The following KLRG1 variants were observed in gnomAD, a reference collection of about 807,000 sequenced individuals.
KLRG1 encodes the protein killer cell lectin-like receptor subfamily G member 1.
In KLRG1, 16 loss-of-function variants were observed where a neutral mutation model predicts 21.8. That is an observed-to-expected ratio of 0.73 (90% CI 0.50 to 1.11). The LOEUF is 1.11. KLRG1 is among the 50% of genes most tolerant of loss of function. The pLI, the probability that KLRG1 is intolerant of heterozygous loss-of-function variation, is 0.00. For missense variants in KLRG1, 173 were observed against 218.3 expected (o/e 0.79, Z 1.31); for synonymous variants, 69 against 75.9 (o/e 0.91, Z 0.47).
chr12:9,181,262 T>G, the KLRG1 span: 1 of 1,154,382 alleles, frequency 8.7e-7, no homozygotes, highest in Non-Finnish European at 1.2e-6. Flanking sequence ...CAGAAACCTA[T>G]TTTTACAACT....
At chr12:9,195,611 AT>A in the KLRG1 span, among the ~76,000 whole-genome samples, 891 of 104,218 alleles carry the variant, frequency 8.5e-3, 3 homozygotes, top group African/African-American at 0.029. Context: ...CCCACTGCTA[AT>A]TTTTTTTTTT....
At chr12:9,018,891 C>G in the KLRG1 span, among the ~76,000 whole-genome samples, 1 of 151,958 alleles carries the variant, frequency 6.6e-6, no homozygotes, top group Non-Finnish European at 1.5e-5. Context: ...TGAGTAATAC[C>G]CCACAAGCAC....
At chr12:9,149,102 G>A in the KLRG1 span, 1 of 946,564 alleles carries the variant, frequency 1.1e-6, no homozygotes, top group South Asian at 1.4e-5. Context: ...CTTTGTGAAA[G>A]GCCAGATGGT....
the KLRG1 span, among the ~76,000 whole-genome samples, chr12:9,057,399 T>G: frequency 6.6e-6 from 1 of 152,144 alleles, no homozygotes; most frequent in Admixed American, 6.5e-5. Flanking sequence ...GGGAAATCAC[T>G]TAATGGGTAC....
chr12:8,966,759 T>C (rs1278038225), intron 1 of KLRG1, among the ~76,000 whole-genome samples: 13 of 139,580 alleles, frequency 9.3e-5, no homozygotes, highest in Admixed American at 3.6e-4. Context: ...AGTTCAACCA[T>C]TGTGGAAGTC....
At chr12:8,999,889 G>C (rs1436497281) in intron 3 of KLRG1, among the ~76,000 whole-genome samples, 1 of 152,090 alleles carries the variant, frequency 6.6e-6, no homozygotes, top group Non-Finnish European at 1.5e-5. Flanking sequence ...ACAAAAATTA[G>C]CTGGGTGTGG....
At chr12:9,174,862 G>T in the KLRG1 span, among the ~76,000 whole-genome samples, 5 of 152,122 alleles carry the variant, frequency 3.3e-5, no homozygotes, top group Admixed American at 3.3e-4. Context: ...AGAAGAATCA[G>T]TGTAATGACA....
At chr12:9,071,765 T>C in the KLRG1 span, among the ~76,000 whole-genome samples, 1 of 152,202 alleles carries the variant, frequency 6.6e-6, no homozygotes, top group Non-Finnish European at 1.5e-5. Flanking sequence ...CCTGCAAAGG[T>C]CATGATCTCA....
chr12:9,182,181 G>T, the KLRG1 span: 1 of 211,988 alleles, frequency 4.7e-6, no homozygotes, highest in Non-Finnish European at 7.6e-6. Flanking sequence ...TAAAAATAGT[G>T]TCATAAGGAC....
chr12:9,111,075 T>C, the KLRG1 span, among the ~76,000 whole-genome samples: 1 of 152,290 alleles, frequency 6.6e-6, no homozygotes, highest in East Asian at 1.9e-4. Context: ...TGAGGAGGAA[T>C]GGACATATTT....
intron 1 of KLRG1, among the ~76,000 whole-genome samples, chr12:8,990,696 C>T (rs1370113778): frequency 1.3e-5 from 2 of 152,076 alleles, no homozygotes; most frequent in African/African-American, 4.8e-5. Flanking sequence ...GTCACACACA[C>T]AACTGGTGAT....
At chr12:9,076,873 C>A in the KLRG1 span, 1 of 1,613,266 alleles carries the variant, frequency 6.2e-7, no homozygotes, top group Non-Finnish European at 8.5e-7. Context: ...CTGCCATGGT[C>A]CCCTTCTTGT....
At chr12:8,991,161 A>G (rs1946953786) in intron 1 of KLRG1, among the ~76,000 whole-genome samples, 1 of 152,200 alleles carries the variant, frequency 6.6e-6, no homozygotes, top group South Asian at 2.1e-4. Flanking sequence ...GTTAAATATC[A>G]TCTTACTTCA....
At chr12:8,991,698 T>G (rs1239934165) in intron 1 of KLRG1, among the ~76,000 whole-genome samples, 1 of 152,194 alleles carries the variant, frequency 6.6e-6, no homozygotes, top group Non-Finnish European at 1.5e-5. Context: ...TATATTCACT[T>G]TATGGATATA....
chr12:9,147,023 C>G, the KLRG1 span, among the ~76,000 whole-genome samples: 2 of 152,326 alleles, frequency 1.3e-5, no homozygotes, highest in Admixed American at 1.3e-4. Context: ...GCTGCCACCT[C>G]CTTTCTTCCA....
chr12:9,169,349 T>G, the KLRG1 span: 1 of 1,299,616 alleles, frequency 7.7e-7, no homozygotes. Context: ...ACATAATTAC[T>G]AAGATTATGA....
At chr12:9,114,439 G>T in the KLRG1 span, among the ~76,000 whole-genome samples, 7 of 151,946 alleles carry the variant, frequency 4.6e-5, no homozygotes, top group African/African-American at 9.7e-5. Context: ...TTAATACTTA[G>T]ATTACTTTTA....
chr12:9,159,977 G>T, the KLRG1 span: 1 of 1,613,846 alleles, frequency 6.2e-7, no homozygotes. Context: ...TTCCCCAAAG[G>T]TGCTGTAGGA....
At chr12:9,162,613 A>G in the KLRG1 span, 671,227 of 1,591,360 alleles carry the variant, frequency 0.42, 143,091 homozygotes, top group East Asian at 0.46. Flanking sequence ...CACAGGTCAT[A>G]GAACTGAAAG....
Sources: gnomAD v4.1 joint callset for allele counts (sites outside exome capture counted in the v4.1 genomes callset) on GRCh38, gnomAD v4.1.1 for gene constraint, MANE v1.5 for transcripts, NCBI Gene and HGNC (gene_info 2026-07-23, HGNC 2026-07-21) for gene names.